The following DAPL1 variants were observed in gnomAD, a reference collection of about 807,000 sequenced individuals.
DAPL1 encodes death associated protein like 1, also known as death-associated protein-like 1.
Under a neutral mutation model 12.9 loss-of-function variants are expected in DAPL1, and 17 were observed. The ratio of observed to expected loss-of-function variants is 1.32; its 90% CI spans 0.90 to 1.98. DAPL1 has a LOEUF of 1.98. Among genes scored for constraint, DAPL1 ranks in the 30% most tolerant of loss-of-function variants. DAPL1 has a pLI of 0.00. For synonymous variants in DAPL1, 51 were observed against 42.0 expected (o/e 1.21, Z -0.82); for missense variants, 157 against 125.7 (o/e 1.25, Z -1.19).
At chr2:158,800,062 C>CAA (rs1553492201) in intron 1 of DAPL1, among the ~76,000 whole-genome samples, 12 of 44,520 alleles carry the variant, frequency 2.7e-4, no homozygotes, top group African/African-American at 6.4e-4. Context: ...GACTCCATCT[C>CAA]AAAAAAAAAA....
rs532125345 is a variant in DAPL1, at chr2:158,796,327, C to A, written c.58+897C>A. On this transcript the variant is annotated intron_variant, in intron 1 of 3. Coordinates refer to ENST00000309950, the MANE Select transcript of DAPL1 (RefSeq NM_001017920.3). ...AAGGTTATTTCAATAATCTTTGCTG[C>A]AGAGGGTGATGGCGGGTATTGTCTT... 3.9e-5 allele frequency among the ~76,000 whole-genome samples: 6 copies of A among 152,236 alleles called. No homozygotes were observed. In the South Asian group the frequency reaches 1.2e-3, roughly 32 times the overall value.
At chr2:158,798,104 T>C (rs2059144726) in intron 1 of DAPL1, among the ~76,000 whole-genome samples, 2 of 152,180 alleles carry the variant, frequency 1.3e-5, no homozygotes. Flanking sequence ...ATATGATGAA[T>C]AGAAAGAAGA....
chr2:158,802,108 C>A (rs905301879), intron 1 of DAPL1, among the ~76,000 whole-genome samples: 1 of 152,162 alleles, frequency 6.6e-6, no homozygotes, highest in Non-Finnish European at 1.5e-5. Flanking sequence ...TTGTAGCTCG[C>A]GTTGTTAACA....
At chr2:158,798,180 G>T (rs1307244117) in intron 1 of DAPL1, among the ~76,000 whole-genome samples, 1 of 152,204 alleles carries the variant, frequency 6.6e-6, no homozygotes, top group Non-Finnish European at 1.5e-5. Context: ...AAATGAATCA[G>T]AGCCATTAGA....
At chr2:158,812,829 A>T (rs2059238470) in intron 3 of DAPL1, among the ~76,000 whole-genome samples, 1 of 151,684 alleles carries the variant, frequency 6.6e-6, no homozygotes, top group Non-Finnish European at 1.5e-5. Flanking sequence ...AAGAGAGAGA[A>T]TTGCTGTATG....
rs143441923 is a variant in DAPL1 at position 158,803,927 on chromosome 2, C to T, written c.59-355C>T. Among the ~76,000 whole-genome samples, 1,183 of 152,150 alleles carry T rather than the reference C, an allele frequency of 7.8e-3. 10 individuals carry two copies. The highest frequency in any genetic ancestry group is 0.012 in the Non-Finnish European group (816 of 68,000). ...AAACAGAGGGTCACGTTGTAATTGTCGGTTGCTATTGTGGGGAATGTAATT... is the reference window on the plus strand; with the variant it reads ...AAACAGAGGGTCACGTTGTAATTGTTGGTTGCTATTGTGGGGAATGTAATT... On this transcript the variant is annotated intron_variant, in intron 1 of 3. Coordinates refer to ENST00000309950, the MANE Select transcript of DAPL1 (RefSeq NM_001017920.3).
chr2:158,800,934 G>A (rs1418805053), intron 1 of DAPL1, among the ~76,000 whole-genome samples: 4 of 152,148 alleles, frequency 2.6e-5, no homozygotes, highest in South Asian at 4.1e-4. Flanking sequence ...CTGCCTCCCA[G>A]GTTCAAGCAA....
chr2:158,799,991 G>A (rs2059158066), intron 1 of DAPL1, among the ~76,000 whole-genome samples: 1 of 150,806 alleles, frequency 6.6e-6, no homozygotes, highest in South Asian at 2.1e-4. Flanking sequence ...TTGAACTCGG[G>A]AGGCAGAGGT....
rs2059256554 is a variant in DAPL1 at position 158,815,704 on chromosome 2, G to T, written c.208-1G>T. On this transcript the variant is annotated splice_acceptor_variant, in intron 3 of 3. Coordinates refer to ENST00000309950, the MANE Select transcript of DAPL1 (RefSeq NM_001017920.3). LOFTEE classifies it high-confidence loss of function. ...ATTTTTTCTTCCCTTCTCACCTTTA[G>T]CTCAACTATAAATTTCCAGCAACAG... The T allele has an allele frequency of 1.2e-6, 2 of 1,601,224 alleles. No individual in the cohort carries two copies. The highest frequency in any genetic ancestry group is 1.7e-6 in the Non-Finnish European group (2 of 1,168,340).
At chr2:158,802,667 T>C (rs1234349973) in intron 1 of DAPL1, among the ~76,000 whole-genome samples, 1 of 152,202 alleles carries the variant, frequency 6.6e-6, no homozygotes, top group Non-Finnish European at 1.5e-5. Flanking sequence ...AAGACCCCTA[T>C]ATAAGAAAAA....
At chr2:158,814,084 A>G (rs2059247385) in intron 3 of DAPL1, among the ~76,000 whole-genome samples, 1 of 152,204 alleles carries the variant, frequency 6.6e-6, no homozygotes, top group Non-Finnish European at 1.5e-5. Flanking sequence ...CAATCTCTCA[A>G]ATATGATTTA....
At chr2:158,809,169 C>A (rs770517837) in intron 3 of DAPL1, among the ~76,000 whole-genome samples, 2 of 151,684 alleles carry the variant, frequency 1.3e-5, no homozygotes, top group Non-Finnish European at 2.9e-5. Context: ...ACCAGCCTGG[C>A]CAATATGGTG....
intron 3 of DAPL1, among the ~76,000 whole-genome samples, chr2:158,810,602 G>A (rs909257129): frequency 6.6e-6 from 1 of 152,174 alleles, no homozygotes; most frequent in African/African-American, 2.4e-5. Flanking sequence ...CTGGAATTGT[G>A]TAAATCAAAG....
chr2:158,802,609 T>C (rs1464082317), intron 1 of DAPL1, among the ~76,000 whole-genome samples: 1 of 152,236 alleles, frequency 6.6e-6, no homozygotes, highest in Non-Finnish European at 1.5e-5. Context: ...AATCTTGTCA[T>C]GTTGTCTGCT....
chr2:158,806,991 C>CA, intron 2 of DAPL1, 64 bp from the exon 3 acceptor site: 2 of 1,196,304 alleles, frequency 1.7e-6, no homozygotes, highest in South Asian at 1.3e-5. Flanking sequence ...CTCTATAAAT[C>CA]ATGTGGCCTT....
At chr2:158,798,474 G>A (rs1009692385) in intron 1 of DAPL1, among the ~76,000 whole-genome samples, 2 of 152,230 alleles carry the variant, frequency 1.3e-5, no homozygotes, top group Non-Finnish European at 2.9e-5. Context: ...CAGGGGACAG[G>A]GATTTGAGGA....
chr2:158,796,015 A>G (rs1442889202), intron 1 of DAPL1, among the ~76,000 whole-genome samples: 1 of 152,170 alleles, frequency 6.6e-6, no homozygotes, highest in Non-Finnish European at 1.5e-5. Context: ...TGACTGGAAA[A>G]AGTAGCTGTC....
chr2:158,804,249 C>A lies in DAPL1; in HGVS notation c.59-33C>A, dbSNP rs201117587. 3.5e-4 allele frequency: 522 copies of A among 1,486,716 alleles called. 2 individuals are homozygous for A. The African/African-American group carries it at 6.9e-3, about 20-fold the overall frequency. 92.1% of individuals were successfully genotyped at this position (1,486,716 alleles called of 1,614,324 possible). A position where few individuals can be genotyped will look rare whatever the true frequency, so the allele number is the denominator to read the frequency against. On this transcript the variant is annotated intron_variant, in intron 1 of 3. Transcript: ENST00000309950. ...ACAAAGCAAGCCTTCTCTCACTGTT[C>A]TAACTTCCATGCTGATTTTTATCTG... is the stretch of plus-strand genomic sequence containing the variant.
intron 1 of DAPL1, among the ~76,000 whole-genome samples, chr2:158,803,662 G>A (rs2105150909): frequency 6.6e-6 from 1 of 152,344 alleles, no homozygotes; most frequent in Admixed American, 6.5e-5. Flanking sequence ...TTGATCACTT[G>A]AATGGCAGGA....
Sources: allele counts gnomAD v4.1 joint callset (sites outside exome capture counted in the v4.1 genomes callset), GRCh38; gene constraint gnomAD v4.1.1; transcripts MANE v1.5; gene names NCBI Gene and HGNC (gene_info 2026-07-23, HGNC 2026-07-21).